Variants in MYH13 observed in about 807,000 individuals in gnomAD.
The protein encoded by MYH13 is myosin-13.
A neutral mutation model predicts 232.1 loss-of-function variants in MYH13; 177 were observed. The observed-to-expected ratio is 0.76, with a 90% CI of 0.67 to 0.86. The LOEUF (loss-of-function observed/expected upper bound fraction) is 0.86, where lower values mean the gene tolerates loss of function less well. Among genes scored for constraint, MYH13 ranks in the 40% least tolerant of loss-of-function variants. The probability of loss-of-function intolerance (pLI) is 0.00; values close to 1 mark genes in which losing one functional copy is unlikely to be tolerated. For missense variants in MYH13, 2,246 were observed against 2,405.9 expected (o/e 0.93, Z 1.39); for synonymous variants, 884 against 923.5 (o/e 0.96, Z 0.78).
chr17:10,338,002 G>C (rs1188967802), intron 18 of MYH13, among the ~76,000 whole-genome samples: 2 of 152,068 alleles, frequency 1.3e-5, no homozygotes, highest in Non-Finnish European at 2.9e-5. Flanking sequence ...GCAGTGAGCC[G>C]AGATCGTGCC....
chr17:10,351,448 A>T (rs943200845), intron 11 of MYH13, among the ~76,000 whole-genome samples: 13 of 152,120 alleles, frequency 8.5e-5, no homozygotes, highest in African/African-American at 3.1e-4. Flanking sequence ...GGAATATTAG[A>T]TCTGGAAGGG....
chr17:10,364,599 G>A, intron 2 of MYH13, 57 bp from the exon 3 acceptor site: 1 of 1,440,780 alleles, frequency 6.9e-7, no homozygotes, highest in Non-Finnish European at 9.5e-7. Context: ...TGAAGCTGCA[G>A]GGCCCCTACC....
At chr17:10,329,532 C>T (rs1907338621) in intron 21 of MYH13, among the ~76,000 whole-genome samples, 1 of 152,204 alleles carries the variant, frequency 6.6e-6, no homozygotes, top group Non-Finnish European at 1.5e-5. Flanking sequence ...CCTTCTACAG[C>T]TCTCCATCAA....
In MYH13 at chr17:10,338,893, G is replaced by C. The variant is rs184864223; in HGVS notation, c.2056+1257C>G. Among the ~76,000 whole-genome samples, 104 of 152,140 alleles carry C rather than the reference G, an allele frequency of 6.8e-4. 2 individuals are homozygous for C. In the East Asian group the frequency reaches 0.018, roughly 26 times the overall value. On this transcript the variant is annotated intron_variant, in intron 18 of 40. Transcript: ENST00000252172. The stretch of plus-strand genomic sequence containing the variant: ...TTTGTTTGCATTTTTAGTAGAGACG[G>C]GGTTTCACCATGTTAGCCAGGATGG...
chr17:10,333,026 A>G (rs2142247382), intron 19 of MYH13, 48 bp downstream of exon 19: 2 of 1,420,614 alleles, frequency 1.4e-6, no homozygotes, highest in South Asian at 2.5e-5. Flanking sequence ...GGGAAATGCA[A>G]AAGGTGCCCT....
intron 19 of MYH13, among the ~76,000 whole-genome samples, chr17:10,332,809 C>T (rs1460030601): frequency 6.6e-6 from 1 of 152,208 alleles, no homozygotes; most frequent in Non-Finnish European, 1.5e-5. Context: ...AAAGGATGAT[C>T]TAGCCTGAGT....
At chr17:10,346,008 A>C (rs1391095085) in intron 13 of MYH13, among the ~76,000 whole-genome samples, 2 of 142,426 alleles carry the variant, frequency 1.4e-5, no homozygotes, top group Non-Finnish European at 3.0e-5. Flanking sequence ...AAAAAAAAAA[A>C]AAAAACAAAA....
rs779309283 is a variant in MYH13, at chr17:10,345,477, T to C, written c.1403A>G (p.Glu468Gly). ...AAGGTCACAACTCACATCAAAGATCTCAAAGCCAGCAATGTCCAAGACCCC... is the reference window on the plus strand; with the variant it reads ...AAGGTCACAACTCACATCAAAGATCCCAAAGCCAGCAATGTCCAAGACCCC... Reference protein sequence around the residue: ...FIGVLDIAGFEIFDFNSLEQL... With the variant: ...FIGVLDIAGFGIFDFNSLEQL... Residue 468 changes from glutamate to glycine, a missense_variant, in exon 14 of 41, where the codon GAG becomes GGG. Coordinates refer to ENST00000252172, the MANE Select transcript of MYH13 (RefSeq NM_003802.3). The C allele has an allele frequency of 2.5e-6, 4 of 1,614,148 alleles. No homozygotes were observed. The highest frequency in any genetic ancestry group is 2.5e-6 in the Non-Finnish European group (3 of 1,180,012).
At chr17:10,367,691 A>G (rs2071848044) in intron 2 of MYH13, among the ~76,000 whole-genome samples, 1 of 152,242 alleles carries the variant, frequency 6.6e-6, no homozygotes, top group African/African-American at 2.4e-5. Context: ...TTCCAAAACA[A>G]AAAGACTAGT....
intron 11 of MYH13, among the ~76,000 whole-genome samples, chr17:10,352,305 C>G (rs964308942): frequency 6.6e-6 from 1 of 152,074 alleles, no homozygotes; most frequent in East Asian, 1.9e-4. Context: ...ATAAAAGCTC[C>G]GTGAGGCCAG....
chr17:10,355,179 T>C, intron 8 of MYH13, 32 bp from the exon 9 acceptor site: 1 of 1,551,850 alleles, frequency 6.4e-7, no homozygotes, highest in South Asian at 1.2e-5. Context: ...AATGTTACGG[T>C]TATTTGATTT....
chr17:10,355,164 G>C lies in MYH13; in HGVS notation c.739-17C>G. On this transcript the variant is annotated splice_polypyrimidine_tract_variant and intron_variant, in intron 8 of 40. Coordinates refer to ENST00000252172, the MANE Select transcript of MYH13 (RefSeq NM_003802.3). ...GAACTTCCCCTGTCCAATAACAGGT[G>C]GACAAATGTTACGGTTATTTGATTT... The C allele has an allele frequency of 6.4e-7, 1 of 1,561,976 alleles. No homozygotes were observed. Among genetic ancestry groups the C allele is most frequent in the Non-Finnish European group, 8.7e-7 (1 of 1,151,786 alleles).
intron 35 of MYH13, 86 bp downstream of exon 35, chr17:10,309,148 G>A: frequency 7.3e-7 from 1 of 1,374,202 alleles, no homozygotes; most frequent in Non-Finnish European, 9.8e-7. Flanking sequence ...GCCCTGAGTG[G>A]AGGGATAGCG....
intron 2 of MYH13, 85 bp from the exon 3 acceptor site, chr17:10,364,627 G>A: frequency 5.9e-6 from 7 of 1,195,220 alleles, no homozygotes; most frequent in Non-Finnish European, 8.4e-6. Flanking sequence ...TATTAAAACG[G>A]GGCCAGATTC....
rs1311955222 is a variant in MYH13, at chr17:10,364,478, C to T, written c.53G>A (p.Arg18Gln). The change falls in exon 3 of 41, where the codon CGG becomes CAG. Residue 18 changes from arginine (R) to glutamine (Q), a missense_variant. Coordinates refer to ENST00000252172, the MANE Select transcript of MYH13 (RefSeq NM_003802.3). ...CTCGATTCTCTCCTTCTCTGGTTTCCGGAGGTAGGGAGCTGCTTCTCCAAA... is the reference window on the plus strand; with the variant it reads ...CTCGATTCTCTCCTTCTCTGGTTTCTGGAGGTAGGGAGCTGCTTCTCCAAA... ...AIFGEAAPYL[R>Q]KPEKERIEAQ... 1.2e-5 allele frequency: 19 copies of T among 1,611,024 alleles called. No homozygotes were observed. The highest frequency in any genetic ancestry group is 4.0e-5 in the African/African-American group (3 of 74,844).
intron 19 of MYH13, among the ~76,000 whole-genome samples, chr17:10,332,443 A>G (rs1327488818): frequency 6.6e-6 from 1 of 152,136 alleles, no homozygotes; most frequent in Non-Finnish European, 1.5e-5. Context: ...AGCATGAAAG[A>G]AGGGAGCCCA....
At chr17:10,303,536 T>G in intron 37 of MYH13, 38 bp from the exon 38 acceptor site, 1 of 1,568,146 alleles carries the variant, frequency 6.4e-7, no homozygotes, top group Non-Finnish European at 8.8e-7. Context: ...TCAAATCTCC[T>G]CTCCCAGGCT....
rs184979286 is a variant in MYH13, at chr17:10,322,678, G to A, written c.2935-970C>T. Among the ~76,000 whole-genome samples, 147 of 134,556 alleles carry A rather than the reference G, an allele frequency of 1.1e-3. 2 individuals carry two copies. Among genetic ancestry groups the A allele is most frequent in the African/African-American group, 4.0e-3 (144 of 35,676 alleles). 88.3% of individuals were successfully genotyped at this position (134,556 alleles called of 152,430 possible). Reference sequence around the variant, plus strand: ...AGAGGGAGTCTCACTCTGTCGCCCAGGCTGGAGTGCAGTGGCGCAGTCTCA... The same window carrying A: ...AGAGGGAGTCTCACTCTGTCGCCCAAGCTGGAGTGCAGTGGCGCAGTCTCA... On this transcript the variant is annotated intron_variant, in intron 23 of 40. Coordinates refer to ENST00000252172, the MANE Select transcript of MYH13 (RefSeq NM_003802.3).
chr17:10,317,331 A>G (rs1257199685), intron 27 of MYH13, among the ~76,000 whole-genome samples: 2 of 152,210 alleles, frequency 1.3e-5, no homozygotes, highest in Non-Finnish European at 2.9e-5. Flanking sequence ...CAGGAAAGAA[A>G]GAGAAAAGGA....
Sources: allele counts gnomAD v4.1 joint callset (sites outside exome capture counted in the v4.1 genomes callset), GRCh38; gene constraint gnomAD v4.1.1; transcripts MANE v1.5; gene names NCBI Gene and HGNC (gene_info 2026-07-23, HGNC 2026-07-21).